The following MAP3K3 variants were observed in gnomAD, a reference collection of about 807,000 sequenced individuals.
MAP3K3 encodes the protein MAP/ERK kinase kinase 3.
A neutral mutation model predicts 80.9 loss-of-function variants in MAP3K3; 12 were observed. The observed-to-expected ratio is 0.15, with a 90% confidence interval of 0.10 to 0.24. MAP3K3 has a LOEUF of 0.24. Among genes scored for constraint, MAP3K3 ranks in the 10% least tolerant of loss-of-function variants. The probability of loss-of-function intolerance (pLI) is 1.00; values close to 1 mark genes in which losing one functional copy is unlikely to be tolerated. For missense variants in MAP3K3, 596 were observed against 834.7 expected (o/e 0.71, Z 3.52); for synonymous variants, 272 against 307.1 (o/e 0.89, Z 1.19).
rs1266631716 is a variant in MAP3K3 at position 63,689,776 on chromosome 17, G to T, written c.1063+41G>T. Reference sequence around the variant, plus strand: ...TGGCTAGGAGGAGACTGCCCAGGTGGTCTCAGACAAGCTACGGGGGCAAAC... The same window carrying T: ...TGGCTAGGAGGAGACTGCCCAGGTGTTCTCAGACAAGCTACGGGGGCAAAC... On this transcript the variant is annotated intron_variant, in intron 11 of 15. Coordinates refer to ENST00000361733, the MANE Select transcript of MAP3K3 (RefSeq NM_002401.5). The surrounding 1 kb of genome is among the most constrained non-coding windows in gnomAD (Gnocchi z 4.3). The T allele has an allele frequency of 1.9e-6, 3 of 1,565,048 alleles. No individual in the cohort carries two copies. In the East Asian group the frequency reaches 6.9e-5, roughly 36 times the overall value.
intron 1 of MAP3K3, among the ~76,000 whole-genome samples, chr17:63,627,947 C>T (rs2034136639): frequency 6.6e-6 from 1 of 151,492 alleles, no homozygotes; most frequent in South Asian, 2.1e-4. Context: ...ACTCTGTCGC[C>T]CAGGCTGGAA....
intron 6 of MAP3K3, 59 bp downstream of exon 6, chr17:63,667,119 G>A (rs2035016435): frequency 1.3e-6 from 2 of 1,492,440 alleles, no homozygotes; most frequent in Non-Finnish European, 1.8e-6. Flanking sequence ...TTTTAAAAAA[G>A]CAACAAGTAT....
chr17:63,683,404 A>T (rs2035381117), intron 7 of MAP3K3, among the ~76,000 whole-genome samples: 1 of 152,178 alleles, frequency 6.6e-6, no homozygotes, highest in African/African-American at 2.4e-5. Context: ...TCTAGGGGTG[A>T]CTTGGGTGTA....
At chr17:63,633,143 G>A (rs1000747320) in intron 2 of MAP3K3, among the ~76,000 whole-genome samples, 3 of 151,550 alleles carry the variant, frequency 2.0e-5, no homozygotes, top group Admixed American at 6.6e-5. Context: ...CAGGAGAATC[G>A]CTTGAACCTG....
At chr17:63,656,940 A>G (rs1191012147) in intron 4 of MAP3K3, among the ~76,000 whole-genome samples, 1 of 152,158 alleles carries the variant, frequency 6.6e-6, no homozygotes, top group Non-Finnish European at 1.5e-5. Flanking sequence ...CATCCTTCAT[A>G]TGGCGACAGG....
chr17:63,670,881 G>A (rs751575395), intron 6 of MAP3K3, among the ~76,000 whole-genome samples: 13 of 152,186 alleles, frequency 8.5e-5, no homozygotes, highest in Non-Finnish European at 1.5e-4. Flanking sequence ...GCAGAGCCTT[G>A]TGGACCCTGG....
intron 3 of MAP3K3, among the ~76,000 whole-genome samples, chr17:63,650,921 T>A (rs1030594822): frequency 1.3e-5 from 2 of 152,112 alleles, no homozygotes; most frequent in Non-Finnish European, 2.9e-5. Context: ...GATCTTGAGC[T>A]CCTAGCCTCA....
Position 63,690,256 on chromosome 17 carries a change from T to C in MAP3K3, c.1064-8T>C. 6.2e-7 allele frequency: 1 copy of C among 1,612,404 alleles called. No individual in the cohort carries two copies. ...ACAAAGTAACTCTTTCCTTCTGCTC[T>C]CCTGTAGCTCCCAGTGCCCCCATCA... is the stretch of plus-strand genomic sequence containing the variant. On this transcript the variant is annotated splice_region_variant and splice_polypyrimidine_tract_variant and intron_variant, in intron 11 of 15. Transcript: ENST00000361733.
At chr17:63,655,694 A>G (rs1897455252) in intron 4 of MAP3K3, among the ~76,000 whole-genome samples, 2 of 151,856 alleles carry the variant, frequency 1.3e-5, no homozygotes, top group Middle Eastern at 3.4e-3. Context: ...GGGTCTCACT[A>G]TTTTGCCCAG....
intron 12 of MAP3K3, chr17:63,690,703 G>A (rs1329865765): frequency 2.2e-6 from 1 of 451,364 alleles, no homozygotes; most frequent in African/African-American, 2.0e-5. Flanking sequence ...CCCTCCCCTA[G>A]ACAAGTATCT....
intron 5 of MAP3K3, among the ~76,000 whole-genome samples, chr17:63,664,749 G>C (rs1303938973): frequency 6.6e-6 from 1 of 152,122 alleles, no homozygotes; most frequent in Non-Finnish European, 1.5e-5. Context: ...TAGCTACACA[G>C]TTCATACCTA....
Position 63,691,210 on chromosome 17 carries a change from A to G in MAP3K3, c.1321A>G (p.Ile441Val), listed in dbSNP as rs1480692639. 3 of 1,614,168 alleles carry G rather than the reference A, an allele frequency of 1.9e-6. No individual in the cohort carries two copies. The highest frequency in any genetic ancestry group is 2.5e-6 in the Non-Finnish European group (3 of 1,180,036). The change falls in exon 13 of 16, where the codon ATC becomes GTC. Residue 441 changes from isoleucine (I) to valine (V), a missense_variant. Coordinates refer to ENST00000361733, the MANE Select transcript of MAP3K3 (RefSeq NM_002401.5). The surrounding 1 kb of genome is among the most constrained non-coding windows in gnomAD (Gnocchi z 4.8). ...GGACCGCGCTGAGAAGACCCTGACC[A>G]TCTTCATGGAGTACATGCCAGGGGT... ...LRDRAEKTLT[I>V]FMEYMPGGSV... is the part of the protein sequence containing the mutation.
At chr17:63,639,007 C>A (rs750910034) in intron 2 of MAP3K3, among the ~76,000 whole-genome samples, 1 of 151,828 alleles carries the variant, frequency 6.6e-6, no homozygotes, top group Non-Finnish European at 1.5e-5. Context: ...GGCGACAGAG[C>A]AAGACTCCAT....
At position 63,679,355 on chromosome 17, in the gene MAP3K3, A is replaced by C. The variant is rs191076010; in HGVS notation, c.503-2411A>C. Among the ~76,000 whole-genome samples the C allele has an allele frequency of 4.6e-5, 7 of 152,104 alleles. No individual in the cohort carries two copies. In the East Asian group the frequency reaches 1.4e-3, roughly 29 times the overall value. On this transcript the variant is annotated intron_variant, in intron 6 of 15. Transcript: ENST00000361733. Reference sequence around the variant, plus strand: ...TGAGCTCCATCAGTCTGTCAGGCCCACCCTCTTTTCCGGGATGTTCTAAGA... The same window carrying C: ...TGAGCTCCATCAGTCTGTCAGGCCCCCCCTCTTTTCCGGGATGTTCTAAGA...
chr17:63,670,305 G>T (rs2035078207), intron 6 of MAP3K3, among the ~76,000 whole-genome samples: 1 of 152,004 alleles, frequency 6.6e-6, no homozygotes, highest in Admixed American at 6.6e-5. Flanking sequence ...GAAATGGGCT[G>T]GGCATGGTGG....
At chr17:63,688,305 G>T (rs995125189) in intron 8 of MAP3K3, 5 of 585,800 alleles carry the variant, frequency 8.5e-6, no homozygotes, top group Non-Finnish European at 1.2e-5. Flanking sequence ...TGGGTCAGAT[G>T]GGGGAGATTT....
intron 4 of MAP3K3, 23 bp from the exon 5 acceptor site, chr17:63,657,771 C>A: frequency 9.5e-7 from 1 of 1,051,126 alleles, no homozygotes; most frequent in South Asian, 1.4e-5. Context: ...TATTATTTTC[C>A]TTTTCTATGT....
chr17:63,688,407 C>CA (rs949656982), intron 8 of MAP3K3, 120 bp from the exon 9 acceptor site: 171 of 792,384 alleles, frequency 2.2e-4, no homozygotes, highest in Non-Finnish European at 3.2e-4. Context: ...CTATTTCCCG[C>CA]AAAATCTGCT....
At position 63,657,859 on chromosome 17, in the gene MAP3K3, A is replaced by C; in HGVS notation, c.333A>C (p.Ser111=). 1.2e-6 allele frequency: 2 copies of C among 1,609,524 alleles called. No individual in the cohort carries two copies. Among genetic ancestry groups the C allele is most frequent in the Non-Finnish European group, 1.7e-6 (2 of 1,177,034 alleles). ...CAATTGACATTTTAGATAGAAGCTCAAGCATGAAAAGCCTTAGGATATTGC... is the reference window on the plus strand; with the variant it reads ...CAATTGACATTTTAGATAGAAGCTCCAGCATGAAAAGCCTTAGGATATTGC... The part of the protein sequence containing the change: ...DKAIDILDRS[S]SMKSLRILLL... The change falls in exon 5 of 16, where the codon TCA becomes TCC. Residue 111 remains serine (S), a synonymous_variant. Coordinates refer to ENST00000361733, the MANE Select transcript of MAP3K3 (RefSeq NM_002401.5).
Sources: gnomAD v4.1 joint callset for allele counts (sites outside exome capture counted in the v4.1 genomes callset) on GRCh38, gnomAD v4.1.1 for gene constraint, Gnocchi (gnomAD v3.1) non-coding constraint, MANE v1.5 for transcripts, NCBI Gene and HGNC (gene_info 2026-07-23, HGNC 2026-07-21) for gene names.